BIRC6: variants seen among roughly 807,000 people sequenced by gnomAD.
BIRC6 encodes the protein baculoviral IAP repeat containing 6, also known as dual E2 ubiquitin-conjugating enzyme/E3 ubiquitin-protein ligase BIRC6.
Under a neutral mutation model 503.3 loss-of-function variants are expected in BIRC6, and 98 were observed. The ratio of observed to expected loss-of-function variants is 0.19; its 90% CI spans 0.17 to 0.23. BIRC6 has a LOEUF of 0.23. BIRC6 is among the 10% of genes least tolerant of loss of function. The probability of loss-of-function intolerance (pLI) is 1.00; values close to 1 mark genes in which losing one functional copy is unlikely to be tolerated. For synonymous variants in BIRC6, 2,240 were observed against 2,078.7 expected, an observed-to-expected ratio of 1.08 and a Z score of -2.11; for missense variants, 5,360 against 5,806.0, an observed-to-expected ratio of 0.92 and a Z score of 2.50.
chr2:32,599,879 A>T lies in BIRC6; in HGVS notation c.13971A>T (p.Pro4657=). 5 of 1,613,692 alleles carry T rather than the reference A, an allele frequency of 3.1e-6. No homozygotes were observed. Among genetic ancestry groups the T allele is most frequent in the Non-Finnish European group, 4.2e-6 (5 of 1,179,766 alleles). ...GTGGTCATAGCGTGCGATTCAATCCAAACCTTTATAATGATGGCAAGGTAA... is the reference window on the plus strand; with the variant it reads ...GTGGTCATAGCGTGCGATTCAATCCTAACCTTTATAATGATGGCAAGGTAA... ...TTGGHSVRFN[P]NLYNDGKVCL... Residue 4657 remains proline, a synonymous_variant, in exon 70 of 74, where the codon CCA becomes CCT. Coordinates refer to ENST00000421745, the MANE Select transcript of BIRC6 (RefSeq NM_016252.4).
intron 59 of BIRC6, chr2:32,527,185 C>T (rs984120301): frequency 6.6e-6 from 1 of 152,242 alleles, no homozygotes; most frequent in African/African-American, 2.4e-5. Context: ...TCCATGGTTA[C>T]TCTGACACAA....
chr2:32,504,032 GTT>G (rs1491429408), intron 49 of BIRC6, among the ~76,000 whole-genome samples: 10 of 115,370 alleles, frequency 8.7e-5, no homozygotes, highest in Admixed American at 1.7e-4. Context: ...GTGGGGGGGT[GTT>G]TGTGTGTGTG....
Position 32,423,523 on chromosome 2 carries a change from A to G in BIRC6, c.2873-5623A>G, listed in dbSNP as rs185256071. ...ACTTCTGTATGACTTTGCTTATTGT[A>G]GATACCTCATATAAGTGGAATCATG... On this transcript the variant is annotated intron_variant, in intron 10 of 73. Transcript: ENST00000421745. Among the ~76,000 whole-genome samples, 111 of 152,268 alleles carry G rather than the reference A, an allele frequency of 7.3e-4. 1 individual carries two copies. The Middle Eastern group carries it at 0.014, about 19-fold the overall frequency.
At chr2:32,611,873 C>T (rs2062899387) in intron 73 of BIRC6, among the ~76,000 whole-genome samples, 1 of 151,944 alleles carries the variant, frequency 6.6e-6, no homozygotes, top group East Asian at 1.9e-4. Context: ...AATGCCTTTT[C>T]CTTTTTCTTT....
chr2:32,551,465 T>C (rs1008551575), intron 65 of BIRC6, among the ~76,000 whole-genome samples: 2 of 152,056 alleles, frequency 1.3e-5, no homozygotes, highest in African/African-American at 4.8e-5. Context: ...GTATTTTTGG[T>C]AGAGATGGGG....
intron 21 of BIRC6, among the ~76,000 whole-genome samples, chr2:32,446,672 C>T (rs1221911308): frequency 7.0e-6 from 1 of 143,112 alleles, no homozygotes; most frequent in Admixed American, 7.3e-5. Flanking sequence ...GTATAGATTG[C>T]AGGGAACATA....
At chr2:32,400,761 C>G (rs2040520568) in intron 6 of BIRC6, among the ~76,000 whole-genome samples, 1 of 151,854 alleles carries the variant, frequency 6.6e-6, no homozygotes, top group Non-Finnish European at 1.5e-5. Context: ...TAGTTGTGGC[C>G]CCTGATAGAT....
chr2:32,565,668 G>C (rs886892268), intron 65 of BIRC6: 2 of 152,134 alleles, frequency 1.3e-5, no homozygotes, highest in Non-Finnish European at 2.9e-5. Flanking sequence ...CTGCTATAAA[G>C]AACTGCCTGA....
intron 65 of BIRC6, among the ~76,000 whole-genome samples, chr2:32,573,579 A>G (rs958740524): frequency 2.6e-5 from 4 of 152,214 alleles, no homozygotes; most frequent in African/African-American, 7.2e-5. Context: ...TCACAAAAGT[A>G]AATTCCAGTT....
In BIRC6 at chr2:32,437,471, A is replaced by G. The variant is rs555735867; in HGVS notation, c.3631+1287A>G. Among the ~76,000 whole-genome samples, 6 of 152,292 alleles carry G rather than the reference A, an allele frequency of 3.9e-5. No individual in the cohort carries two copies. The South Asian group carries it at 6.2e-4, about 16-fold the overall frequency. ...ATAACTGACCAACTATATATCAGCTATTTACATTTGTGTACATTTGCTTCC... is the reference window on the plus strand; with the variant it reads ...ATAACTGACCAACTATATATCAGCTGTTTACATTTGTGTACATTTGCTTCC... On this transcript the variant is annotated intron_variant, in intron 15 of 73. Transcript: ENST00000421745.
chr2:32,369,946 ATATATATATATATATATATAT>A (rs1283204687), intron 1 of BIRC6, among the ~76,000 whole-genome samples: 7 of 28,424 alleles, frequency 2.5e-4, no homozygotes, highest in Non-Finnish European at 4.1e-4. Flanking sequence ...AAAAAAAAAA[ATATATATATATATATATATAT>A]ATATATATAT....
intron 8 of BIRC6, 68 bp from the exon 9 acceptor site, chr2:32,406,431 C>A (rs1244459654): frequency 1.7e-6 from 2 of 1,209,020 alleles, no homozygotes; most frequent in Non-Finnish European, 2.4e-6. Flanking sequence ...GTTCTTTTTT[C>A]TTTGCTTTCT....
chr2:32,473,513 CA>C (rs895114168), intron 33 of BIRC6, among the ~76,000 whole-genome samples: 3 of 151,802 alleles, frequency 2.0e-5, no homozygotes, highest in African/African-American at 7.3e-5. Flanking sequence ...TTGCCTAGTC[CA>C]AAAACCTCTC....
At chr2:32,575,411 T>C (rs1214920470) in intron 66 of BIRC6, 45 bp downstream of exon 66, 1 of 1,567,436 alleles carries the variant, frequency 6.4e-7, no homozygotes, top group Non-Finnish European at 8.8e-7. Context: ...CCTCTAACAA[T>C]GTTTTTAAAA....
chr2:32,533,993 T>C (rs2056989664), intron 61 of BIRC6, among the ~76,000 whole-genome samples: 1 of 152,206 alleles, frequency 6.6e-6, no homozygotes, highest in Non-Finnish European at 1.5e-5. Context: ...AGGATACTAC[T>C]AGCTATATGG....
chr2:32,604,394 T>A (rs1249151065), intron 71 of BIRC6, among the ~76,000 whole-genome samples: 2 of 152,204 alleles, frequency 1.3e-5, no homozygotes, highest in Non-Finnish European at 2.9e-5. Context: ...AAAATGACTG[T>A]GTCCAGTTCA....
chr2:32,438,972 A>C (rs1558725843), intron 15 of BIRC6, among the ~76,000 whole-genome samples: 1 of 152,140 alleles, frequency 6.6e-6, no homozygotes, highest in Non-Finnish European at 1.5e-5. Context: ...AGAGAGGATA[A>C]TTTGTCATGT....
At chr2:32,502,916 C>T (rs1334861815) in intron 48 of BIRC6, 25 bp downstream of exon 48, 1 of 1,562,804 alleles carries the variant, frequency 6.4e-7, no homozygotes, top group Non-Finnish European at 8.7e-7. Flanking sequence ...CAATAACTAT[C>T]ATTTAAGTGT....
At chr2:32,427,597 T>A (rs72798788) in intron 10 of BIRC6, among the ~76,000 whole-genome samples, 21,934 of 152,216 alleles carry the variant, frequency 0.14, 1,712 homozygotes, top group Admixed American at 0.21. Flanking sequence ...TTAATTTTTT[T>A]AAAAATATTT....
Sources: allele counts gnomAD v4.1 joint callset (sites outside exome capture counted in the v4.1 genomes callset), GRCh38; gene constraint gnomAD v4.1.1; transcripts MANE v1.5; gene names NCBI Gene and HGNC (gene_info 2026-07-23, HGNC 2026-07-21).